Variants in NIBAN2 observed in about 807,000 individuals in gnomAD.
The protein encoded by NIBAN2 is protein Niban 2.
In NIBAN2, 36 loss-of-function variants were observed where a neutral mutation model predicts 81.8. That is an observed-to-expected ratio of 0.44 (90% CI 0.34 to 0.58). The LOEUF is 0.58. NIBAN2 is among the 20% of genes least tolerant of loss of function. The pLI is 0.02. For missense variants in NIBAN2, 897 were observed against 1,014.1 expected (o/e 0.88, Z 1.57); for synonymous variants, 445 against 441.6 (o/e 1.01, Z -0.10).
At chr9:127,542,429 A>G (rs1026383384) in intron 1 of NIBAN2, among the ~76,000 whole-genome samples, 3 of 152,142 alleles carry the variant, frequency 2.0e-5, no homozygotes, top group African/African-American at 7.2e-5. Context: ...CACGCAGTGG[A>G]AAAGGAAGGG....
rs1388602456 is a variant in NIBAN2 at position 127,545,626 on chromosome 9, C to T, written c.56-13848G>A. 6.6e-6 allele frequency among the ~76,000 whole-genome samples: 1 copy of T among 152,000 alleles called. No individual in the cohort carries two copies. Among genetic ancestry groups the T allele is most frequent in the Non-Finnish European group, 1.5e-5 (1 of 67,998 alleles). On this transcript the variant is annotated intron_variant, in intron 1 of 13. Transcript: ENST00000373312. This position sits in a 1 kb window ranked among gnomAD's most constrained non-coding sequence, Gnocchi z 4.7. ...TGCCTTGAAAACTCTTCTCGGTTGG[C>T]AAATATTTAACCAGGGCTGGGCCAC...
At chr9:127,572,678 C>G (rs1217952854), upstream of NIBAN2, among the ~76,000 whole-genome samples, 1 of 151,972 alleles carries the variant, frequency 6.6e-6, no homozygotes, top group African/African-American at 2.4e-5. Context: ...CTCCTACTGT[C>G]CTCACAGCTT....
chr9:127,508,401 G>A lies in NIBAN2; in HGVS notation c.1434+21C>T, dbSNP rs1225988274. The A allele has an allele frequency of 1.9e-6, 3 of 1,585,420 alleles. No individual in the cohort carries two copies. Among genetic ancestry groups the A allele is most frequent in the Non-Finnish European group, 2.6e-6 (3 of 1,161,636 alleles). Reference sequence around the variant, plus strand: ...TCGGCCTCGCCTAGGACGGTCCGGGGCAGGGCGTGGGGCCGCTCACCTTCA... The same window carrying A: ...TCGGCCTCGCCTAGGACGGTCCGGGACAGGGCGTGGGGCCGCTCACCTTCA... On this transcript the variant is annotated intron_variant, in intron 11 of 13. Coordinates refer to ENST00000373312, the MANE Select transcript of NIBAN2 (RefSeq NM_022833.4). This position sits in a 1 kb window ranked among gnomAD's most constrained non-coding sequence, Gnocchi z 6.4.
intron 1 of NIBAN2, among the ~76,000 whole-genome samples, chr9:127,554,750 G>A (rs2253455): frequency 0.42 from 63,768 of 150,836 alleles, 14,057 homozygotes; most frequent in East Asian, 0.74. Context: ...TAGTAGAGAC[G>A]GGGGGTGGGG....
chr9:127,518,583 G>A (rs754678882), intron 5 of NIBAN2, among the ~76,000 whole-genome samples: 2 of 152,248 alleles, frequency 1.3e-5, no homozygotes, highest in African/African-American at 2.4e-5. Context: ...TTTGTTGACA[G>A]AAACAGGCAA....
Position 127,509,060 on chromosome 9 carries a change from C to T in NIBAN2, c.1233G>A (p.Ser411=), listed in dbSNP as rs1836675814. The change falls in exon 10 of 14, where the codon TCG becomes TCA. Residue 411 remains serine, a synonymous_variant. Coordinates refer to ENST00000373312, the MANE Select transcript of NIBAN2 (RefSeq NM_022833.4). ...KMQSCYEKME[S]LRLDGLQQRF... ...GCTGCTGCAGCCCGTCCAGTCGCAG[C>T]GACTCCATCTTCTCATAGCAGCTCT... The T allele has an allele frequency of 2.5e-6, 4 of 1,613,566 alleles. No individual in the cohort carries two copies. The highest frequency in any genetic ancestry group is 1.7e-5 in the Admixed American group (1 of 59,952).
At chr9:127,513,309 C>T (rs975611614) in intron 8 of NIBAN2, among the ~76,000 whole-genome samples, 2 of 151,832 alleles carry the variant, frequency 1.3e-5, no homozygotes, top group East Asian at 1.9e-4. Context: ...TAGTCGAGGG[C>T]GAGGGGGAGA....
At chr9:127,573,536 A>G (rs781162994), upstream of NIBAN2, among the ~76,000 whole-genome samples, 5 of 151,510 alleles carry the variant, frequency 3.3e-5, no homozygotes, top group Non-Finnish European at 5.9e-5. Flanking sequence ...GAATTTCTCA[A>G]CTCTAAAATG....
At chr9:127,544,692 C>T (rs1212439219) in intron 1 of NIBAN2, among the ~76,000 whole-genome samples, 1 of 152,058 alleles carries the variant, frequency 6.6e-6, no homozygotes, top group African/African-American at 2.4e-5. Context: ...TTAGTAGAGA[C>T]GGGGTTTCAC....
intron 1 of NIBAN2, among the ~76,000 whole-genome samples, chr9:127,539,396 C>G (rs1045136151): frequency 2.6e-5 from 4 of 152,178 alleles, no homozygotes; most frequent in Non-Finnish European, 4.4e-5. Context: ...GCTTTACTAT[C>G]CTCATCTTAC....
chr9:127,538,713 G>C (rs533081645), intron 1 of NIBAN2, among the ~76,000 whole-genome samples: 99 of 151,734 alleles, frequency 6.5e-4, no homozygotes, highest in African/African-American at 2.3e-3. Flanking sequence ...GGGAGGCCGA[G>C]GCAGGCAGAT....
intron 8 of NIBAN2, among the ~76,000 whole-genome samples, chr9:127,511,415 C>G (rs950542841): frequency 4.3e-4 from 66 of 151,946 alleles, no homozygotes; most frequent in Admixed American, 1.3e-4. Flanking sequence ...CCAGGCTGGT[C>G]TCAAACTCCC....
rs1179308150 is a variant in NIBAN2, at chr9:127,531,580, G to C, written c.186+68C>G. ...GGGAAACTGAGGCCCAGAAAAGTAA[G>C]GTCACTCCCCCGAGGCCACATGGCG... On this transcript the variant is annotated intron_variant, in intron 2 of 13. Coordinates refer to ENST00000373312, the MANE Select transcript of NIBAN2 (RefSeq NM_022833.4). The C allele has an allele frequency of 2.0e-6, 3 of 1,519,486 alleles. No individual in the cohort carries two copies. In the African/African-American group the frequency reaches 4.1e-5, roughly 21 times the overall value. The allele number at this position is 1,519,486 out of a possible 1,614,324, so 94.1% of individuals were successfully genotyped here.
At chr9:127,565,242 G>A (rs1236683387) in intron 1 of NIBAN2, among the ~76,000 whole-genome samples, 1 of 152,014 alleles carries the variant, frequency 6.6e-6, no homozygotes, top group Non-Finnish European at 1.5e-5. Flanking sequence ...GATTACAGGC[G>A]TGAGCCACCA....
chr9:127,555,911 T>G (rs1329424659), intron 1 of NIBAN2, among the ~76,000 whole-genome samples: 1 of 152,140 alleles, frequency 6.6e-6, no homozygotes, highest in Admixed American at 6.5e-5. Flanking sequence ...ACTGGGCTGT[T>G]TCAGCCACAC....
At chr9:127,535,794 C>T (rs989959121) in intron 1 of NIBAN2, among the ~76,000 whole-genome samples, 2 of 151,982 alleles carry the variant, frequency 1.3e-5, no homozygotes, top group African/African-American at 4.8e-5. Context: ...TTGCTCACCA[C>T]TGGATCCTGG....
chr9:127,527,306 C>T lies in NIBAN2; in HGVS notation c.203G>A (p.Arg68His), dbSNP rs138792807. Residue 68 changes from arginine (R) to histidine (H), a missense_variant, in exon 3 of 14, where the codon CGC (arginine) becomes CAC (histidine). Arg to His is a conservative substitution (Grantham distance 29). Around this residue, in one of 3 missense-constraint regions of NIBAN2, gnomAD observed 209 missense variants for 208.4 expected, o/e 1.00. Coordinates refer to ENST00000373312, the MANE Select transcript of NIBAN2 (RefSeq NM_022833.4). Reference protein sequence around the residue: ...LLWRKVPLDERIVFSGNLFQH... With the variant: ...LLWRKVPLDEHIVFSGNLFQH... ...GAAGAGGTTCCCCGAGAAGACGATG[C>T]GCTCGTCCAGTGGCACCTGTGGGCA... The T allele has an allele frequency of 3.8e-3, 6,084 of 1,613,234 alleles. 16 individuals carry two copies. Among genetic ancestry groups the T allele is most frequent in the Non-Finnish European group, 4.4e-3 (5,249 of 1,179,802 alleles).
At chr9:127,525,392 G>A (rs550207087) in intron 3 of NIBAN2, among the ~76,000 whole-genome samples, 1 of 152,210 alleles carries the variant, frequency 6.6e-6, no homozygotes, top group East Asian at 1.9e-4. Flanking sequence ...GGCTTCACTG[G>A]GTAGTGTCTG....
intron 5 of NIBAN2, among the ~76,000 whole-genome samples, chr9:127,522,059 C>T (rs991623794): frequency 6.6e-6 from 1 of 152,254 alleles, no homozygotes. Context: ...GGAGAGATGG[C>T]ACCAGGCCAG....
Sources: allele counts gnomAD v4.1 joint callset (sites outside exome capture counted in the v4.1 genomes callset), GRCh38; gene constraint gnomAD v4.1.1; regional missense constraint gnomAD v4.1.1; non-coding constraint Gnocchi (gnomAD v3.1); transcripts MANE v1.5; gene names NCBI Gene and HGNC (gene_info 2026-07-23, HGNC 2026-07-21).